The following PAPPA2 variants were observed in gnomAD, a reference collection of about 807,000 sequenced individuals.
PAPPA2 encodes pappalysin-2.
In PAPPA2, 86 loss-of-function variants were observed where a neutral mutation model predicts 176.4. That is an observed-to-expected ratio of 0.49 (90% CI 0.41 to 0.58). The LOEUF is 0.58. Ranked by LOEUF, PAPPA2 falls within the 20% of genes least tolerant of loss-of-function variation. The pLI, the probability that PAPPA2 is intolerant of heterozygous loss-of-function variation, is 0.00. For missense variants in PAPPA2, 2,073 were observed against 2,256.9 expected, an observed-to-expected ratio of 0.92 and a Z score of 1.65; for synonymous variants, 809 against 852.2, an observed-to-expected ratio of 0.95 and a Z score of 0.88.
In PAPPA2 at chr1:176,819,426, G is replaced by A. The variant is rs181753591; in HGVS notation, c.5202+19294G>A. Reference sequence around the variant, plus strand: ...GGGTCTCTTCAGCTATTTGAAGGCTGTTTGTACATTGGAGAAAGAAGAGTT... The same window carrying A: ...GGGTCTCTTCAGCTATTTGAAGGCTATTTGTACATTGGAGAAAGAAGAGTT... On this transcript the variant is annotated intron_variant, in intron 21 of 22. Transcript: ENST00000367662. Among the ~76,000 whole-genome samples, 14 of 152,252 alleles carry A rather than the reference G, an allele frequency of 9.2e-5. No homozygotes were observed. The East Asian group carries it at 2.5e-3, about 27-fold the overall frequency.
intron 17 of PAPPA2, among the ~76,000 whole-genome samples, chr1:176,773,661 G>C (rs901587522): frequency 2.0e-5 from 3 of 152,178 alleles, no homozygotes; most frequent in African/African-American, 7.2e-5. Context: ...TTTTGAGGCT[G>C]AATGTCAGGT....
At chr1:176,523,026 T>A (rs76684002) in intron 1 of PAPPA2, among the ~76,000 whole-genome samples, 101 of 152,278 alleles carry the variant, frequency 6.6e-4, no homozygotes, top group African/African-American at 2.1e-3. Context: ...ATACACCAGA[T>A]AAATATGACT....
intron 1 of PAPPA2, among the ~76,000 whole-genome samples, chr1:176,489,322 C>T (rs899394603): frequency 2.0e-5 from 3 of 152,176 alleles, no homozygotes; most frequent in African/African-American, 7.2e-5. Context: ...CTTAGCACCT[C>T]CCCACTCTAA....
intron 9 of PAPPA2, among the ~76,000 whole-genome samples, chr1:176,704,532 G>A (rs964240348): frequency 6.6e-6 from 1 of 152,012 alleles, no homozygotes; most frequent in Non-Finnish European, 1.5e-5. Context: ...AACCATAGGT[G>A]GCTCTTTTTG....
At chr1:176,776,270 ATTAAT>A (rs1392965828) in intron 17 of PAPPA2, among the ~76,000 whole-genome samples, 2 of 152,140 alleles carry the variant, frequency 1.3e-5, no homozygotes, top group African/African-American at 4.8e-5. Flanking sequence ...AGAGCCCATA[ATTAAT>A]TTAACTTCTA....
chr1:176,566,204 C>T (rs532513741), intron 2 of PAPPA2, among the ~76,000 whole-genome samples: 156 of 152,248 alleles, frequency 1.0e-3, no homozygotes, highest in Admixed American at 2.0e-3. Context: ...GCAGACCATT[C>T]AGGGTTTGGT....
At chr1:176,562,261 A>G (rs1348956745) in intron 2 of PAPPA2, among the ~76,000 whole-genome samples, 2 of 152,184 alleles carry the variant, frequency 1.3e-5, no homozygotes, top group Non-Finnish European at 2.9e-5. Context: ...ATTTCACAGA[A>G]TGCTGAAACA....
chr1:176,643,532 G>T (rs1026585016), intron 3 of PAPPA2, among the ~76,000 whole-genome samples: 2 of 151,272 alleles, frequency 1.3e-5, no homozygotes, highest in Admixed American at 1.3e-4. Flanking sequence ...GCAGATTCCT[G>T]GTCTAGAGTA....
intron 1 of PAPPA2, among the ~76,000 whole-genome samples, chr1:176,474,409 G>A (rs979740858): frequency 9.2e-5 from 14 of 152,162 alleles, no homozygotes; most frequent in African/African-American, 3.1e-4. Flanking sequence ...ATTGACCAGC[G>A]CTGGTCATAT....
chr1:176,831,322 C>T (rs192089393), intron 21 of PAPPA2, among the ~76,000 whole-genome samples: 15 of 152,122 alleles, frequency 9.9e-5, no homozygotes, highest in Admixed American at 5.9e-4. Context: ...GACACATTCC[C>T]GTCAGGAATG....
intron 1 of PAPPA2, among the ~76,000 whole-genome samples, chr1:176,476,796 G>A (rs1219405023): frequency 6.6e-6 from 1 of 152,226 alleles, no homozygotes; most frequent in African/African-American, 2.4e-5. Context: ...GATTCTGTAT[G>A]TATAGGGAGG....
rs542916888 is a variant in PAPPA2, at chr1:176,469,469, C to T, written c.-917+6051C>T. Among the ~76,000 whole-genome samples, 7 of 152,196 alleles carry T rather than the reference C, an allele frequency of 4.6e-5. No homozygotes were observed. In the East Asian group the frequency reaches 1.4e-3, roughly 29 times the overall value. On this transcript the variant is annotated intron_variant, in intron 1 of 22. Coordinates refer to ENST00000367662, the MANE Select transcript of PAPPA2 (RefSeq NM_020318.3). ...CTGTGAGTGGAACATGGAAAACGGCCCAGGATTAACAGCACCATGGGAAGA... is the reference window on the plus strand; with the variant it reads ...CTGTGAGTGGAACATGGAAAACGGCTCAGGATTAACAGCACCATGGGAAGA...
At chr1:176,810,792 C>G (rs1036647590) in intron 21 of PAPPA2, among the ~76,000 whole-genome samples, 2 of 152,178 alleles carry the variant, frequency 1.3e-5, no homozygotes, top group African/African-American at 4.8e-5. Context: ...TTTACCAGGC[C>G]TTTCAGAGGA....
At chr1:176,598,024 T>A (rs1395888779) in intron 3 of PAPPA2, among the ~76,000 whole-genome samples, 1 of 152,220 alleles carries the variant, frequency 6.6e-6, no homozygotes, top group African/African-American at 2.4e-5. Context: ...TTTTGAACCT[T>A]TATTCATAAG....
rs114757335 is a variant in PAPPA2 at position 176,517,756 on chromosome 1, G to A, written c.-916-37651G>A. On this transcript the variant is annotated intron_variant, in intron 1 of 22. Coordinates refer to ENST00000367662, the MANE Select transcript of PAPPA2 (RefSeq NM_020318.3). ...ACCACCGGAAACAAGGCAGTCAGGC[G>A]CCTTTCATTGGTACTCCTCACATGA... Among the ~76,000 whole-genome samples, 835 of 152,258 alleles carry A rather than the reference G, an allele frequency of 5.5e-3. 7 individuals carry two copies. The highest frequency in any genetic ancestry group is 0.019 in the African/African-American group (783 of 41,532).
intron 3 of PAPPA2, among the ~76,000 whole-genome samples, chr1:176,601,971 G>C (rs1654350379): frequency 6.6e-6 from 1 of 152,106 alleles, no homozygotes; most frequent in Non-Finnish European, 1.5e-5. Context: ...AACTCTGCTT[G>C]TCTCTCTTTT....
At chr1:176,540,124 T>C (rs1315582260) in intron 1 of PAPPA2, among the ~76,000 whole-genome samples, 2 of 152,204 alleles carry the variant, frequency 1.3e-5, no homozygotes, top group Admixed American at 6.5e-5. Context: ...GGTTTCATAC[T>C]TGTTTTTTCA....
chr1:176,802,108 G>A (rs940263702), intron 21 of PAPPA2, among the ~76,000 whole-genome samples: 3 of 152,160 alleles, frequency 2.0e-5, no homozygotes, highest in Admixed American at 6.5e-5. Context: ...TCAGAAACTG[G>A]GAGTGGGGCC....
intron 1 of PAPPA2, among the ~76,000 whole-genome samples, chr1:176,526,636 C>A (rs138685698): frequency 2.0e-5 from 3 of 152,200 alleles, no homozygotes; most frequent in African/African-American, 7.2e-5. Flanking sequence ...TGATTTGCTA[C>A]AGCAGAGAGC....
Sources: gnomAD v4.1 joint callset for allele counts (sites outside exome capture counted in the v4.1 genomes callset) on GRCh38, gnomAD v4.1.1 for gene constraint, MANE v1.5 for transcripts, NCBI Gene and HGNC (gene_info 2026-07-23, HGNC 2026-07-21) for gene names.